Variants in CNTN5 observed in about 807,000 individuals in gnomAD.
CNTN5 encodes the protein contactin 5.
Under a neutral mutation model 129.1 loss-of-function variants are expected in CNTN5, and 77 were observed. That is an observed-to-expected ratio of 0.60 (90% CI 0.50 to 0.72). The LOEUF (loss-of-function observed/expected upper bound fraction) is 0.72. CNTN5 is among the 30% of genes least tolerant of loss of function. The pLI, the probability that CNTN5 is intolerant of heterozygous loss-of-function variation, is 0.00. For missense variants in CNTN5, 1,478 were observed against 1,328.8 expected (o/e 1.11, Z -1.75); for synonymous variants, 509 against 465.6 (o/e 1.09, Z -1.20).
intron 1 of CNTN5, among the ~76,000 whole-genome samples, chr11:99,022,382 A>T (rs537032902): frequency 3.3e-5 from 5 of 152,296 alleles, no homozygotes; most frequent in Admixed American, 1.3e-4. Context: ...AAAGGAGTTC[A>T]TTATGATTAA....
intron 23 of CNTN5, among the ~76,000 whole-genome samples, chr11:100,342,671 G>A (rs1324048050): frequency 6.6e-6 from 1 of 152,172 alleles, no homozygotes; most frequent in Non-Finnish European, 1.5e-5. Flanking sequence ...ACAGACTGAA[G>A]TCCTCAAAGG....
At chr11:99,854,279 T>A (rs968607254) in intron 6 of CNTN5, among the ~76,000 whole-genome samples, 2 of 152,248 alleles carry the variant, frequency 1.3e-5, no homozygotes, top group African/African-American at 4.8e-5. Flanking sequence ...AACACAATTC[T>A]GACTAGGTTA....
intron 21 of CNTN5, among the ~76,000 whole-genome samples, chr11:100,339,447 T>A (rs1565438798): frequency 6.6e-6 from 1 of 152,224 alleles, no homozygotes; most frequent in Non-Finnish European, 1.5e-5. Context: ...TCTCATCGCT[T>A]CTGACTGATA....
At chr11:99,568,433 T>C (rs1321714547) in intron 3 of CNTN5, among the ~76,000 whole-genome samples, 1 of 152,238 alleles carries the variant, frequency 6.6e-6, no homozygotes, top group East Asian at 1.9e-4. Context: ...AAAATATGCT[T>C]GCTTATGGTA....
At chr11:99,847,895 A>G (rs1947751230) in intron 6 of CNTN5, among the ~76,000 whole-genome samples, 1 of 152,168 alleles carries the variant, frequency 6.6e-6, no homozygotes, top group Non-Finnish European at 1.5e-5. Flanking sequence ...GTGAAAGAAC[A>G]CAAAGGCAAG....
chr11:99,190,614 A>G (rs896463198), intron 1 of CNTN5, among the ~76,000 whole-genome samples: 10 of 151,364 alleles, frequency 6.6e-5, no homozygotes, highest in African/African-American at 2.4e-4. Flanking sequence ...AGAGGTCTTA[A>G]ATTCATGCCT....
chr11:100,304,934 T>C (rs1462107202), intron 20 of CNTN5, among the ~76,000 whole-genome samples: 1 of 151,374 alleles, frequency 6.6e-6, no homozygotes, highest in Non-Finnish European at 1.5e-5. Context: ...CAATTATTAG[T>C]ATTTCGAGTT....
chr11:99,970,817 A>T (rs1353939960), intron 8 of CNTN5, among the ~76,000 whole-genome samples: 2 of 152,150 alleles, frequency 1.3e-5, no homozygotes, highest in Admixed American at 1.3e-4. Context: ...GATAAAGGGG[A>T]TGGATGGGCG....
intron 2 of CNTN5, among the ~76,000 whole-genome samples, chr11:99,466,554 A>T (rs144099308): frequency 2.0e-5 from 3 of 152,236 alleles, no homozygotes; most frequent in African/African-American, 7.2e-5. Flanking sequence ...CTTTTTATAA[A>T]TTTTTTATTA....
chr11:99,277,840 G>C (rs574833354), intron 1 of CNTN5, among the ~76,000 whole-genome samples: 20 of 151,752 alleles, frequency 1.3e-4, no homozygotes, highest in African/African-American at 4.6e-4. Context: ...AAGTTGACTA[G>C]TGTCTTCTAC....
chr11:99,756,587 A>G (rs1454413810), intron 3 of CNTN5, among the ~76,000 whole-genome samples: 1 of 152,114 alleles, frequency 6.6e-6, no homozygotes, highest in African/African-American at 2.4e-5. Flanking sequence ...ACACACTCAA[A>G]GAATGGAATG....
intron 1 of CNTN5, among the ~76,000 whole-genome samples, chr11:99,173,190 T>C (rs1857614612): frequency 6.6e-6 from 1 of 152,180 alleles, no homozygotes; most frequent in Non-Finnish European, 1.5e-5. Context: ...AGTCACAAGA[T>C]GAGATTTGGG....
At chr11:99,956,675 T>C in intron 7 of CNTN5, 131 bp from the exon 8 acceptor site, 2 of 626,876 alleles carry the variant, frequency 3.2e-6, no homozygotes, top group Non-Finnish European at 5.6e-6. Flanking sequence ...TACTAAATTA[T>C]ATAGATACAT....
chr11:99,337,224 A>G (rs1186753415), intron 2 of CNTN5, among the ~76,000 whole-genome samples: 1 of 152,296 alleles, frequency 6.6e-6, no homozygotes, highest in East Asian at 1.9e-4. Context: ...ATTTATAAAT[A>G]TTACAGTTAA....
intron 1 of CNTN5, among the ~76,000 whole-genome samples, chr11:99,068,271 A>G (rs7106196): frequency 0.32 from 48,531 of 152,094 alleles, 7,979 homozygotes; most frequent in South Asian, 0.37. Context: ...GTAATCAACA[A>G]TTGCAATTAT....
At chr11:99,927,539 G>T (rs1247538319) in intron 7 of CNTN5, among the ~76,000 whole-genome samples, 3 of 152,266 alleles carry the variant, frequency 2.0e-5, no homozygotes, top group South Asian at 4.1e-4. Flanking sequence ...AAAAGGGAAA[G>T]CAAATACATC....
chr11:99,916,509 T>C (rs914387322), intron 7 of CNTN5, among the ~76,000 whole-genome samples: 2 of 152,160 alleles, frequency 1.3e-5, no homozygotes, highest in African/African-American at 2.4e-5. Context: ...AATACCAATA[T>C]GCGTCTTGTT....
chr11:100,037,678 C>A (rs1299398619), intron 9 of CNTN5, among the ~76,000 whole-genome samples: 1 of 152,156 alleles, frequency 6.6e-6, no homozygotes, highest in Non-Finnish European at 1.5e-5. Flanking sequence ...GATTCAACTT[C>A]TTCCTGGTTT....
intron 8 of CNTN5, among the ~76,000 whole-genome samples, chr11:99,978,476 A>G (rs771235753): frequency 5.3e-5 from 8 of 152,332 alleles, no homozygotes; most frequent in East Asian, 1.9e-4. Flanking sequence ...TGGTCCTGCA[A>G]GTGCTATTTG....
Sources: gnomAD v4.1 joint callset for allele counts (sites outside exome capture counted in the v4.1 genomes callset) on GRCh38, gnomAD v4.1.1 for gene constraint, MANE v1.5 for transcripts, NCBI Gene and HGNC (gene_info 2026-07-23, HGNC 2026-07-21) for gene names.